The following ELMO1 variants were observed in gnomAD, a reference collection of about 807,000 sequenced individuals.
ELMO1 encodes the protein engulfment and cell motility protein 1.
Under a neutral mutation model 98.9 loss-of-function variants are expected in ELMO1, and 26 were observed. That is an observed-to-expected ratio of 0.26 (90% CI 0.19 to 0.36). The LOEUF (loss-of-function observed/expected upper bound fraction) is 0.36. Ranked by LOEUF, ELMO1 falls within the 10% of genes least tolerant of loss-of-function variation. The pLI, the probability that ELMO1 is intolerant of heterozygous loss-of-function variation, is 1.00. For missense variants in ELMO1, 627 were observed against 935.2 expected (o/e 0.67, Z 4.30); for synonymous variants, 346 against 346.0 (o/e 1.00, Z 0.00).
chr7:36,875,592 C>T (rs1468550920), intron 19 of ELMO1, among the ~76,000 whole-genome samples: 1 of 152,186 alleles, frequency 6.6e-6, no homozygotes. Flanking sequence ...CCTTCAAGAA[C>T]CAGCCTTGCT....
At chr7:37,118,132 C>A (rs578223586) in intron 14 of ELMO1, among the ~76,000 whole-genome samples, 2 of 152,270 alleles carry the variant, frequency 1.3e-5, no homozygotes, top group East Asian at 1.9e-4. Flanking sequence ...TGGGGAACCG[C>A]CAAATTCCCC....
intron 5 of ELMO1, among the ~76,000 whole-genome samples, chr7:37,268,620 GAGAT>G (rs1177736824): frequency 1.2e-4 from 18 of 152,084 alleles, no homozygotes; most frequent in Non-Finnish European, 2.1e-4. Flanking sequence ...ATGGTAGCAG[GAGAT>G]AGATAAAGAT....
rs578189214 is a variant in ELMO1 at position 37,277,151 on chromosome 7, T to C, written c.193-5269A>G. On this transcript the variant is annotated intron_variant, in intron 4 of 21. Transcript: ENST00000310758. ...GCCACAGATGAGGCACCAAGGCAGA[T>C]ACAAAGTTAAACAGGACTAATTCCT... is the stretch of plus-strand genomic sequence containing the variant. Among the ~76,000 whole-genome samples, 61 of 152,368 alleles carry C rather than the reference T, an allele frequency of 4.0e-4. 1 individual carries two copies. The highest frequency in any genetic ancestry group is 1.3e-3 in the Admixed American group (20 of 15,306).
chr7:36,857,827 C>T (rs1400360443), intron 21 of ELMO1, among the ~76,000 whole-genome samples: 1 of 152,146 alleles, frequency 6.6e-6, no homozygotes, highest in Non-Finnish European at 1.5e-5. Context: ...TCATTTCCCA[C>T]TACAAGTAAT....
At chr7:37,238,412 C>T (rs75716255) in intron 7 of ELMO1, among the ~76,000 whole-genome samples, 10,196 of 152,106 alleles carry the variant, frequency 0.067, 453 homozygotes, top group African/African-American at 0.12. Context: ...GACATTGTAT[C>T]CTGAAACCTT....
Position 37,426,302 on chromosome 7 carries a change from C to T in ELMO1, c.-74+22373G>A, listed in dbSNP as rs148312670. Among the ~76,000 whole-genome samples the T allele has an allele frequency of 2.4e-3, 363 of 151,532 alleles. 1 individual carries two copies. Among genetic ancestry groups the T allele is most frequent in the African/African-American group, 8.5e-3 (353 of 41,292 alleles). On this transcript the variant is annotated intron_variant, in intron 1 of 21. Coordinates refer to ENST00000310758, the MANE Select transcript of ELMO1 (RefSeq NM_014800.11). ...CAAAGTAGCTGGGATTATAGATGCC[C>T]GCCACCAAGCCCAGCTAATTTTTGT...
At chr7:37,041,091 A>G (rs915366449) in intron 15 of ELMO1, among the ~76,000 whole-genome samples, 1 of 152,038 alleles carries the variant, frequency 6.6e-6, no homozygotes, top group Non-Finnish European at 1.5e-5. Context: ...AAAAATATAT[A>G]ATAATAAAAT....
Position 37,180,812 on chromosome 7 carries a change from G to GCA in ELMO1, c.1086+30572_1086+30573dup, listed in dbSNP as rs1008521407. On this transcript the variant is annotated intron_variant, in intron 13 of 21. Transcript: ENST00000310758. ...TATGCACATATGCACACACATATGCGCACACACACACACACACACATGCAC... is the reference window on the plus strand; with the variant it reads ...TATGCACATATGCACACACATATGCGCACACACACACACACACACACATGCAC... Among the ~76,000 whole-genome samples, 53 of 51,064 alleles carry GCA rather than the reference G, an allele frequency of 1.0e-3. 1 individual carries two copies. The highest frequency in any genetic ancestry group is 1.5e-3 in the African/African-American group (23 of 15,808). The allele number at this position is 51,064 out of a possible 152,430, so 33.5% of individuals were successfully genotyped here.
intron 4 of ELMO1, among the ~76,000 whole-genome samples, chr7:37,286,092 A>G (rs1277260146): frequency 6.6e-6 from 1 of 152,176 alleles, no homozygotes; most frequent in African/African-American, 2.4e-5. Flanking sequence ...ATGAGCAGGG[A>G]TCACTGAAGA....
At chr7:37,192,968 GAGATATATATATATATATATAT>G (rs1295470481) in intron 13 of ELMO1, among the ~76,000 whole-genome samples, 2 of 94,228 alleles carry the variant, frequency 2.1e-5, no homozygotes, top group Admixed American at 2.8e-4. Context: ...ATATATATAG[GAGATATATATATATATATATAT>G]ATATATATAT....
At chr7:37,372,192 C>G (rs1011090036) in intron 1 of ELMO1, among the ~76,000 whole-genome samples, 7 of 151,430 alleles carry the variant, frequency 4.6e-5, no homozygotes, top group Non-Finnish European at 1.0e-4. Flanking sequence ...CTAGTCTTGC[C>G]CCCACATTTT....
At chr7:37,186,981 T>C (rs1241855573) in intron 13 of ELMO1, among the ~76,000 whole-genome samples, 1 of 152,172 alleles carries the variant, frequency 6.6e-6, no homozygotes, top group Non-Finnish European at 1.5e-5. Flanking sequence ...AATGCAAACA[T>C]ACACCCACAC....
intron 4 of ELMO1, among the ~76,000 whole-genome samples, chr7:37,292,733 A>G (rs1797782809): frequency 8.1e-5 from 6 of 73,706 alleles, no homozygotes; most frequent in South Asian, 6.0e-4. Context: ...TCCGGGAGGG[A>G]GGTGGGGGGG....
chr7:37,162,798 T>C (rs775488379), intron 13 of ELMO1, among the ~76,000 whole-genome samples: 14 of 152,228 alleles, frequency 9.2e-5, no homozygotes, highest in African/African-American at 2.2e-4. Context: ...CTAGGTTACA[T>C]GCAAAGCTGG....
At chr7:36,879,286 G>C (rs890480669) in intron 18 of ELMO1, among the ~76,000 whole-genome samples, 1 of 152,222 alleles carries the variant, frequency 6.6e-6, no homozygotes, top group Non-Finnish European at 1.5e-5. Context: ...CGTTGGCTAA[G>C]CTGATAAATG....
chr7:36,969,404 G>A (rs1172237311), intron 16 of ELMO1, among the ~76,000 whole-genome samples: 2 of 151,776 alleles, frequency 1.3e-5, no homozygotes, highest in African/African-American at 4.8e-5. Context: ...CTCATATTTG[G>A]GTGATAATGA....
At chr7:37,302,353 C>A (rs1466928269) in intron 4 of ELMO1, among the ~76,000 whole-genome samples, 1 of 152,140 alleles carries the variant, frequency 6.6e-6, no homozygotes, top group East Asian at 1.9e-4. Context: ...TAAAGTACAG[C>A]AGAAATGATC....
chr7:37,072,602 G>A (rs1003762387), intron 15 of ELMO1, among the ~76,000 whole-genome samples: 9 of 152,186 alleles, frequency 5.9e-5, no homozygotes, highest in East Asian at 1.9e-4. Flanking sequence ...AGTAAACTAC[G>A]TAAGTAAAAC....
chr7:37,237,161 A>G (rs1388284658), intron 7 of ELMO1, among the ~76,000 whole-genome samples: 11 of 152,226 alleles, frequency 7.2e-5, no homozygotes, highest in Admixed American at 7.2e-4. Context: ...CTTAGTAGAC[A>G]CCATCTTCAT....
Sources: gnomAD v4.1 joint callset for allele counts (sites outside exome capture counted in the v4.1 genomes callset) on GRCh38, gnomAD v4.1.1 for gene constraint, MANE v1.5 for transcripts, NCBI Gene and HGNC (gene_info 2026-07-23, HGNC 2026-07-21) for gene names.